RAD51B: variants seen among roughly 807,000 people sequenced by gnomAD.
RAD51B encodes DNA repair protein RAD51 homolog 2.
RAD51B carries 38 observed loss-of-function variants against 42.2 expected under a neutral mutation model. The observed-to-expected ratio is 0.90, with a 90% CI of 0.70 to 1.18. RAD51B has a LOEUF of 1.18. RAD51B is among the 50% of genes most tolerant of loss of function. The pLI is 0.00. For missense variants in RAD51B, 373 were observed against 400.7 expected (o/e 0.93, Z 0.59); for synonymous variants, 154 against 145.2 (o/e 1.06, Z -0.43).
chr14:68,349,343 T>C (rs554760965), intron 8 of RAD51B, among the ~76,000 whole-genome samples: 20 of 152,060 alleles, frequency 1.3e-4, no homozygotes, highest in African/African-American at 4.6e-4. Context: ...GCAAAGGAAT[T>C]CTCCTTTCCC....
chr14:68,233,341 G>A (rs546298972), intron 7 of RAD51B, among the ~76,000 whole-genome samples: 52 of 152,266 alleles, frequency 3.4e-4, no homozygotes, highest in African/African-American at 1.2e-3. Flanking sequence ...GGTTGTCTGA[G>A]CCAAGGGCAT....
At chr14:68,153,826 T>TA (rs2078441427) in intron 7 of RAD51B, among the ~76,000 whole-genome samples, 1 of 152,202 alleles carries the variant, frequency 6.6e-6, no homozygotes, top group African/African-American at 2.4e-5. Context: ...CTTTAATAAT[T>TA]AGACTCTAAA....
intron 10 of RAD51B, among the ~76,000 whole-genome samples, chr14:68,491,406 A>G (rs1461076790): frequency 1.3e-5 from 2 of 152,270 alleles, no homozygotes; most frequent in Non-Finnish European, 2.9e-5. Flanking sequence ...ACTAGAATGT[A>G]ATAAGATTTA....
chr14:68,126,183 G>C (rs911312156), intron 7 of RAD51B, among the ~76,000 whole-genome samples: 1 of 152,160 alleles, frequency 6.6e-6, no homozygotes, highest in Admixed American at 6.5e-5. Context: ...ATTTTTTACT[G>C]TAGTAACAAC....
intron 7 of RAD51B, among the ~76,000 whole-genome samples, chr14:68,087,692 GC>G (rs2077006043): frequency 6.6e-6 from 1 of 150,904 alleles, no homozygotes; most frequent in Admixed American, 6.6e-5. Context: ...ACCTGGTAAT[GC>G]CTAATGTGCA....
At chr14:68,299,094 G>GA in intron 8 of RAD51B, among the ~76,000 whole-genome samples, 1 of 151,572 alleles carries the variant, frequency 6.6e-6, no homozygotes, top group Non-Finnish European at 1.5e-5. Flanking sequence ...AGATAGAGGA[G>GA]GGCTGTTCTT....
At chr14:68,509,827 A>T (rs990924555) in intron 10 of RAD51B, among the ~76,000 whole-genome samples, 1 of 152,154 alleles carries the variant, frequency 6.6e-6, no homozygotes. Flanking sequence ...TTCCAGGAGG[A>T]CTTTATTTAC....
Position 68,201,514 on chromosome 14 carries a change from G to T in RAD51B, c.757-90370G>T, listed in dbSNP as rs75466945. ...GTCTGGTATCACAAAAACTTTCCCA[G>T]GGAATACTCTTCTTATGGCTCATCT... On this transcript the variant is annotated intron_variant, in intron 7 of 10. Transcript: ENST00000471583. Among the ~76,000 whole-genome samples, 1,136 of 152,280 alleles carry T rather than the reference G, an allele frequency of 7.5e-3. 12 individuals carry two copies. Among genetic ancestry groups the T allele is most frequent in the African/African-American group, 0.026 (1,075 of 41,538 alleles).
At chr14:67,906,420 G>A (rs78153593) in intron 7 of RAD51B, among the ~76,000 whole-genome samples, 1 of 152,198 alleles carries the variant, frequency 6.6e-6, no homozygotes, top group African/African-American at 2.4e-5. Context: ...AGTGAGTTAG[G>A]AGGGAGTCCT....
chr14:68,326,773 A>G (rs1481294305), intron 8 of RAD51B, among the ~76,000 whole-genome samples: 2 of 152,188 alleles, frequency 1.3e-5, no homozygotes, highest in Non-Finnish European at 2.9e-5. Context: ...TGCCATCAGG[A>G]AAGAGATGGT....
At chr14:68,335,993 G>A (rs2082448100) in intron 8 of RAD51B, among the ~76,000 whole-genome samples, 1 of 152,200 alleles carries the variant, frequency 6.6e-6, no homozygotes, top group South Asian at 2.1e-4. Context: ...TGTATATCTT[G>A]GCTCTGCCAC....
chr14:68,485,082 C>T (rs1165183491), intron 10 of RAD51B, among the ~76,000 whole-genome samples: 2 of 152,194 alleles, frequency 1.3e-5, no homozygotes, highest in Non-Finnish European at 2.9e-5. Flanking sequence ...GAAAACATAG[C>T]TGCCCAAGCA....
intron 7 of RAD51B, among the ~76,000 whole-genome samples, chr14:68,161,448 C>G (rs1173738829): frequency 1.3e-5 from 2 of 152,172 alleles, no homozygotes; most frequent in African/African-American, 4.8e-5. Context: ...ATGCACATCC[C>G]TGCACTAGGC....
Position 68,260,656 on chromosome 14 carries a change from G to A in RAD51B, c.757-31228G>A, listed in dbSNP as rs561466680. ...TCTGTGTTTAACATTCCATCCCTCCGGGTATAGTCAAGACACCTGTCTCAT... is the reference window on the plus strand; with the variant it reads ...TCTGTGTTTAACATTCCATCCCTCCAGGTATAGTCAAGACACCTGTCTCAT... On this transcript the variant is annotated intron_variant, in intron 7 of 10. Coordinates refer to ENST00000471583, the MANE Select transcript of RAD51B (RefSeq NM_133510.4). Among the ~76,000 whole-genome samples the A allele has an allele frequency of 5.3e-5, 8 of 152,192 alleles. No homozygotes were observed. In the South Asian group the frequency reaches 8.3e-4, roughly 16 times the overall value.
At chr14:68,494,279 CAAA>C (rs3074525) in intron 10 of RAD51B, among the ~76,000 whole-genome samples, 26,155 of 122,992 alleles carry the variant, frequency 0.21, 4,043 homozygotes, top group African/African-American at 0.47. Flanking sequence ...GATTCCGTCT[CAAA>C]AAAAAAAAAA....
At chr14:68,652,344 C>A (rs1476410889) in intron 11 of RAD51B, among the ~76,000 whole-genome samples, 8 of 152,214 alleles carry the variant, frequency 5.3e-5, no homozygotes, top group African/African-American at 1.9e-4. Flanking sequence ...GATACTCCTA[C>A]TCTCTGCCTC....
chr14:68,614,767 TGCA>T (rs1047618335), downstream of RAD51B, among the ~76,000 whole-genome samples: 4 of 152,270 alleles, frequency 2.6e-5, no homozygotes, highest in African/African-American at 9.6e-5. Flanking sequence ...CATCAGTTGA[TGCA>T]CATTTGAGTT....
chr14:68,455,391 G>A (rs998045632), intron 9 of RAD51B, among the ~76,000 whole-genome samples: 1 of 152,048 alleles, frequency 6.6e-6, no homozygotes, highest in African/African-American at 2.4e-5. Context: ...GAAATGAAAG[G>A]ACACTAGAGA....
chr14:68,332,705 A>G (rs1392199540), intron 8 of RAD51B, among the ~76,000 whole-genome samples: 1 of 152,176 alleles, frequency 6.6e-6, no homozygotes, highest in Admixed American at 6.5e-5. Flanking sequence ...AACCAAAACT[A>G]TTTCCCCCTC....
Sources: allele counts gnomAD v4.1 joint callset (sites outside exome capture counted in the v4.1 genomes callset), GRCh38; gene constraint gnomAD v4.1.1; transcripts MANE v1.5; gene names NCBI Gene and HGNC (gene_info 2026-07-23, HGNC 2026-07-21).